Variants in TRHDE observed in about 807,000 individuals in gnomAD.
TRHDE encodes thyrotropin-releasing hormone-degrading ectoenzyme.
Under a neutral mutation model 125.7 loss-of-function variants are expected in TRHDE, and 72 were observed. The observed-to-expected ratio is 0.57, with a 90% CI of 0.47 to 0.70. The LOEUF (loss-of-function observed/expected upper bound fraction) is 0.70. Among genes scored for constraint, TRHDE ranks in the 30% least tolerant of loss-of-function variants. The pLI is 0.00. For synonymous variants in TRHDE, 509 were observed against 509.1 expected, an observed-to-expected ratio of 1.00 and a Z score of 0.00; for missense variants, 1,110 against 1,327.1, an observed-to-expected ratio of 0.84 and a Z score of 2.54.
At chr12:72,214,913 T>C (rs563854183) in intron 2 of TRHDE, among the ~76,000 whole-genome samples, 124 of 152,348 alleles carry the variant, frequency 8.1e-4, no homozygotes, top group Non-Finnish European at 1.5e-3. Context: ...GAAAGCTTTG[T>C]AGACATCATT....
At chr12:72,333,378 A>C (rs1869689580) in intron 2 of TRHDE, among the ~76,000 whole-genome samples, 1 of 152,244 alleles carries the variant, frequency 6.6e-6, no homozygotes, top group South Asian at 2.1e-4. Flanking sequence ...TGAATTGGAA[A>C]ATGTTAACAA....
chr12:72,663,181 G>A lies in TRHDE; in HGVS notation c.3196G>A (p.Ala1066Thr). The change falls in exon 19 of 19, where the codon GCT becomes ACT. Residue 1066 changes from alanine to threonine, a missense_variant. By Grantham distance (58) the Ala-to-Thr change is moderately conservative. Around this residue, in one of 5 missense-constraint regions of TRHDE, gnomAD observed 527 missense variants for 651.8 expected, o/e 0.81. Transcript: ENST00000261180. Reference protein sequence around the residue: ...QDELFQWLGKALRH With the variant: ...QDELFQWLGKTLRH ...CGAGCTTTTCCAATGGTTAGGAAAA[G>A]CTCTAAGACACTAATATATGTATCT... 1 of 1,611,096 alleles carries A rather than the reference G, an allele frequency of 6.2e-7. No individual in the cohort carries two copies. The highest frequency in any genetic ancestry group is 8.5e-7 in the Non-Finnish European group (1 of 1,178,682).
At chr12:72,422,904 T>C (rs1455238272) in intron 3 of TRHDE, among the ~76,000 whole-genome samples, 7 of 152,150 alleles carry the variant, frequency 4.6e-5, no homozygotes, top group Non-Finnish European at 1.0e-4. Context: ...TACTATGTAA[T>C]GACCCAAGAC....
intron 2 of TRHDE, among the ~76,000 whole-genome samples, chr12:72,250,837 GATATATATATATATAT>G (rs376713479): frequency 1.4e-4 from 17 of 117,948 alleles, no homozygotes; most frequent in South Asian, 1.2e-3. Context: ...ATGACTTACA[GATATATATATATATAT>G]ATATATATAT....
At chr12:72,459,338 A>G (rs1433664013) in intron 3 of TRHDE, among the ~76,000 whole-genome samples, 1 of 152,178 alleles carries the variant, frequency 6.6e-6, no homozygotes, top group African/African-American at 2.4e-5. Flanking sequence ...GTAACCTAAT[A>G]TAGTCACAGG....
At chr12:72,547,011 G>A (rs577226615) in intron 7 of TRHDE, among the ~76,000 whole-genome samples, 4 of 151,824 alleles carry the variant, frequency 2.6e-5, no homozygotes, top group South Asian at 2.1e-4. Context: ...TGGAAATGTA[G>A]CATTCAAGCT....
chr12:72,302,242 GTGTA>G (rs1373247448), intron 2 of TRHDE, among the ~76,000 whole-genome samples: 4 of 50,838 alleles, frequency 7.9e-5, no homozygotes, highest in Admixed American at 5.5e-4. Context: ...CTATGTGTGT[GTGTA>G]TGTGTGTGTG....
chr12:72,094,522 G>T (rs975629544), intron 1 of TRHDE, among the ~76,000 whole-genome samples: 2 of 152,204 alleles, frequency 1.3e-5, no homozygotes, highest in African/African-American at 2.4e-5. Context: ...AGGCCTGCCT[G>T]CAGGGACACA....
chr12:72,258,545 C>T (rs1878870596), intron 2 of TRHDE, among the ~76,000 whole-genome samples: 1 of 152,034 alleles, frequency 6.6e-6, no homozygotes, highest in South Asian at 2.1e-4. Flanking sequence ...TTTATTTTTT[C>T]ATTTTCAAAC....
intron 10 of TRHDE, among the ~76,000 whole-genome samples, chr12:72,573,725 T>C (rs1171163733): frequency 2.0e-5 from 3 of 152,082 alleles, no homozygotes; most frequent in Middle Eastern, 3.4e-3. Context: ...CAAATCAACA[T>C]TAGAATGTGA....
chr12:72,225,448 A>G (rs114887326), intron 2 of TRHDE, among the ~76,000 whole-genome samples: 442 of 152,330 alleles, frequency 2.9e-3, no homozygotes, highest in Middle Eastern at 0.017. Flanking sequence ...AAGTTAGGGA[A>G]AAGCCAGTGG....
chr12:72,153,085 G>T (rs1345891667), intron 2 of TRHDE, among the ~76,000 whole-genome samples: 1 of 152,122 alleles, frequency 6.6e-6, no homozygotes, highest in Non-Finnish European at 1.5e-5. Flanking sequence ...CCTGTTATTG[G>T]TCTATTCAGA....
At chr12:72,414,467 A>G (rs1289989871) in intron 3 of TRHDE, among the ~76,000 whole-genome samples, 2 of 152,158 alleles carry the variant, frequency 1.3e-5, no homozygotes, top group African/African-American at 4.8e-5. Context: ...AGACATTCAT[A>G]GATTTTAGTT....
chr12:72,339,013 A>C (rs1869959423), intron 2 of TRHDE, among the ~76,000 whole-genome samples: 1 of 152,202 alleles, frequency 6.6e-6, no homozygotes, highest in Admixed American at 6.5e-5. Context: ...TCTTAAGTAA[A>C]AATTCTAGAA....
At chr12:72,604,047 A>AT (rs1176619852) in intron 12 of TRHDE, among the ~76,000 whole-genome samples, 3 of 152,192 alleles carry the variant, frequency 2.0e-5, no homozygotes, top group Admixed American at 6.5e-5. Flanking sequence ...GGAATCAAAG[A>AT]TAAAAAAAAA....
intron 12 of TRHDE, among the ~76,000 whole-genome samples, chr12:72,577,230 C>T (rs1871037671): frequency 6.6e-6 from 1 of 152,158 alleles, no homozygotes; most frequent in South Asian, 2.1e-4. Context: ...TCAAAGAAAG[C>T]TGTTTTCATT....
At chr12:72,478,801 T>A (rs1292809549) in intron 5 of TRHDE, among the ~76,000 whole-genome samples, 1 of 151,632 alleles carries the variant, frequency 6.6e-6, no homozygotes, top group Admixed American at 6.6e-5. Context: ...GCATTGAGAA[T>A]TAAACTAGAA....
intron 2 of TRHDE, among the ~76,000 whole-genome samples, chr12:72,345,110 C>G (rs928303817): frequency 1.3e-5 from 2 of 152,092 alleles, no homozygotes; most frequent in African/African-American, 4.8e-5. Context: ...AGGAGTGCAA[C>G]TATTACGCTA....
intron 3 of TRHDE, among the ~76,000 whole-genome samples, chr12:72,417,088 G>A (rs764890492): frequency 2.0e-5 from 3 of 151,748 alleles, no homozygotes; most frequent in Non-Finnish European, 4.4e-5. Context: ...TGTTTCTTTG[G>A]TTAAGTTAAT....
Sources: gnomAD v4.1 joint callset for allele counts (sites outside exome capture counted in the v4.1 genomes callset) on GRCh38, gnomAD v4.1.1 for gene constraint, gnomAD v4.1.1 regional missense constraint, MANE v1.5 for transcripts, NCBI Gene and HGNC (gene_info 2026-07-23, HGNC 2026-07-21) for gene names.